Variants in SLC36A1 observed in about 807,000 individuals in gnomAD.
SLC36A1 encodes the protein solute carrier family 36 member 1.
In SLC36A1, 30 loss-of-function variants were observed where a neutral mutation model predicts 47.5. That is an observed-to-expected ratio of 0.63 (90% CI 0.47 to 0.86). The LOEUF is 0.86. Among genes scored for constraint, SLC36A1 ranks in the 40% least tolerant of loss-of-function variants. SLC36A1 has a pLI of 0.00. For missense variants in SLC36A1, 517 were observed against 606.0 expected, an observed-to-expected ratio of 0.85 and a Z score of 1.54; for synonymous variants, 255 against 249.7, an observed-to-expected ratio of 1.02 and a Z score of -0.20.
At chr5:151,357,361 G>T in the SLC36A1 span, among the ~76,000 whole-genome samples, 1 of 152,354 alleles carries the variant, frequency 6.6e-6, no homozygotes, top group East Asian at 1.9e-4. Flanking sequence ...AGGAGCACTA[G>T]CCAGTTTGGG....
rs1276358229 is a variant in SLC36A1, at chr5:151,489,140, G to A, written c.*886G>A. 3 of 152,242 alleles carry A rather than the reference G, an allele frequency of 2.0e-5. No individual in the cohort carries two copies. The highest frequency in any genetic ancestry group is 3.4e-3 in the Middle Eastern group (1 of 294). 9.4% of individuals were successfully genotyped at this position (152,242 alleles called of 1,614,324 possible). A position where few individuals can be genotyped will look rare whatever the true frequency, so the allele number is the denominator to read the frequency against. Reference sequence around the variant, plus strand: ...GTTTTAATCAGGATCGTCTAAAAATGTACCTCGGTGAGGAGGCACAGATTT... The same window carrying A: ...GTTTTAATCAGGATCGTCTAAAAATATACCTCGGTGAGGAGGCACAGATTT... On this transcript the variant is annotated 3_prime_UTR_variant, in exon 11 of 11. Transcript: ENST00000243389. This position sits in a 1 kb window ranked among gnomAD's most constrained non-coding sequence, Gnocchi z 4.5.
chr5:151,436,660 G>T (rs1208108954), upstream of SLC36A1, among the ~76,000 whole-genome samples: 1 of 151,942 alleles, frequency 6.6e-6, no homozygotes, highest in Non-Finnish European at 1.5e-5. Flanking sequence ...TGAATGAATT[G>T]CCATAGACCA....
the SLC36A1 span, among the ~76,000 whole-genome samples, chr5:151,384,179 G>A: frequency 2.0e-5 from 3 of 152,120 alleles, no homozygotes; most frequent in Non-Finnish European, 4.4e-5. Flanking sequence ...TGGGCATCAG[G>A]AGACCTGTGT....
At chr5:151,351,163 T>G in the SLC36A1 span, among the ~76,000 whole-genome samples, 2 of 152,138 alleles carry the variant, frequency 1.3e-5, no homozygotes, top group African/African-American at 4.8e-5. Context: ...ATTTTATTGT[T>G]GGAGGGAACT....
At chr5:151,347,653 G>A in the SLC36A1 span, 39 of 618,182 alleles carry the variant, frequency 6.3e-5, no homozygotes, top group Admixed American at 2.8e-5. Flanking sequence ...GCCAGTGGAC[G>A]AGGACTCCTG....
the SLC36A1 span, among the ~76,000 whole-genome samples, chr5:151,417,233 C>A: frequency 3.3e-5 from 5 of 152,166 alleles, no homozygotes; most frequent in Non-Finnish European, 5.9e-5. Flanking sequence ...GAAGTTGGAA[C>A]AGTTTGGAGG....
At chr5:151,457,476 CCA>C (rs1428835721) in intron 1 of SLC36A1, among the ~76,000 whole-genome samples, 1 of 152,080 alleles carries the variant, frequency 6.6e-6, no homozygotes, top group East Asian at 1.9e-4. Flanking sequence ...ACCACTCTCA[CCA>C]CCCTCCCAAC....
chr5:151,547,749 T>C, the SLC36A1 span, among the ~76,000 whole-genome samples: 2 of 152,166 alleles, frequency 1.3e-5, no homozygotes, highest in Non-Finnish European at 2.9e-5. Context: ...TTATATAATA[T>C]CACACTGCTG....
chr5:151,422,397 A>G, the SLC36A1 span, among the ~76,000 whole-genome samples: 1 of 152,252 alleles, frequency 6.6e-6, no homozygotes. Context: ...ACTCAAAGAT[A>G]AGAAAAGAAA....
chr5:151,510,003 G>A, the SLC36A1 span: 6 of 1,611,674 alleles, frequency 3.7e-6, no homozygotes, highest in Non-Finnish European at 4.2e-6. Flanking sequence ...CATGGCAGGT[G>A]GCCTCTCCTG....
At chr5:151,354,295 TTCTG>T in the SLC36A1 span, among the ~76,000 whole-genome samples, 1 of 152,298 alleles carries the variant, frequency 6.6e-6, no homozygotes, top group East Asian at 1.9e-4. Context: ...CAGAACAAGA[TTCTG>T]TCTCAAATAA....
At chr5:151,496,325 G>A (rs1385658104), downstream of SLC36A1, among the ~76,000 whole-genome samples, 2 of 152,152 alleles carry the variant, frequency 1.3e-5, no homozygotes, top group Non-Finnish European at 2.9e-5. Flanking sequence ...ACTGTAAATC[G>A]AATTAAACCT....
chr5:151,499,516 T>C, the SLC36A1 span, among the ~76,000 whole-genome samples: 1 of 152,182 alleles, frequency 6.6e-6, no homozygotes, highest in Admixed American at 6.5e-5. Flanking sequence ...TCTTTTAGAA[T>C]CTTCATACAT....
the SLC36A1 span, among the ~76,000 whole-genome samples, chr5:151,503,806 A>G: frequency 6.6e-6 from 1 of 152,142 alleles, no homozygotes; most frequent in Non-Finnish European, 1.5e-5. Flanking sequence ...TAGTGGACTC[A>G]TCACTCAGAG....
the SLC36A1 span, chr5:151,512,073 G>T: frequency 1.6e-6 from 2 of 1,223,794 alleles, no homozygotes; most frequent in Non-Finnish European, 2.3e-6. The surrounding 1 kb of genome is among the most constrained non-coding windows in gnomAD (Gnocchi z 4.1). Flanking sequence ...TTGGAACCAG[G>T]AGGCTCTGAG....
At chr5:151,504,335 G>C in the SLC36A1 span, 1 of 152,564 alleles carries the variant, frequency 6.6e-6, no homozygotes, top group Admixed American at 6.5e-5. Context: ...GAGGGACTGG[G>C]TGGGAGGGAG....
the SLC36A1 span, among the ~76,000 whole-genome samples, chr5:151,525,365 T>G: frequency 6.6e-6 from 1 of 152,118 alleles, no homozygotes; most frequent in Non-Finnish European, 1.5e-5. Context: ...TGAGGTAGGT[T>G]GTTTTAGCTC....
chr5:151,476,452 C>T (rs1758059369), intron 8 of SLC36A1, 138 bp from the exon 9 acceptor site: 2 of 647,394 alleles, frequency 3.1e-6, no homozygotes, highest in Middle Eastern at 2.6e-4. Flanking sequence ...GATGAAATAA[C>T]TTTATTTAAA....
Position 151,488,355 on chromosome 5 carries a change from G to C in SLC36A1, c.*101G>C. 1.4e-6 allele frequency: 2 copies of C among 1,453,520 alleles called. No homozygotes were observed. The highest frequency in any genetic ancestry group is 1.9e-6 in the Non-Finnish European group (2 of 1,080,674). 90.0% of individuals were successfully genotyped at this position (1,453,520 alleles called of 1,614,324 possible). On this transcript the variant is annotated 3_prime_UTR_variant, in exon 11 of 11. Coordinates refer to ENST00000243389, the MANE Select transcript of SLC36A1 (RefSeq NM_078483.4). ...ATGGTCCAGGCTCTGAGGAAAGTCA[G>C]GGTTGCTGTGTGGGAACCCCTCTGC...
Sources: gnomAD v4.1 joint callset for allele counts (sites outside exome capture counted in the v4.1 genomes callset) on GRCh38, gnomAD v4.1.1 for gene constraint, Gnocchi (gnomAD v3.1) non-coding constraint, MANE v1.5 for transcripts, NCBI Gene and HGNC (gene_info 2026-07-23, HGNC 2026-07-21) for gene names.